HERC1: variants seen among roughly 807,000 people sequenced by gnomAD.
HERC1 encodes probable E3 ubiquitin-protein ligase HERC1.
A neutral mutation model predicts 554.3 loss-of-function variants in HERC1; 160 were observed. The ratio of observed to expected loss-of-function variants is 0.29; its 90% CI spans 0.25 to 0.33. The LOEUF (loss-of-function observed/expected upper bound fraction) is 0.33. Ranked by LOEUF, HERC1 falls within the 10% of genes least tolerant of loss-of-function variation. HERC1 has a pLI of 1.00. For missense variants in HERC1, 4,919 were observed against 5,918.5 expected, an observed-to-expected ratio of 0.83 and a Z score of 5.54; for synonymous variants, 2,175 against 2,131.7, an observed-to-expected ratio of 1.02 and a Z score of -0.56.
chr15:63,767,772 C>A (rs1221264164), intron 2 of HERC1, among the ~76,000 whole-genome samples: 1 of 152,136 alleles, frequency 6.6e-6, no homozygotes, highest in Non-Finnish European at 1.5e-5. Context: ...GAGAGTTCTC[C>A]GAAGAGCTGA....
Position 63,747,438 on chromosome 15 carries a change from C to T in HERC1, c.2354+286G>A, listed in dbSNP as rs147621533. On this transcript the variant is annotated intron_variant, in intron 11 of 77. Coordinates refer to ENST00000443617, the MANE Select transcript of HERC1 (RefSeq NM_003922.4). The stretch of plus-strand genomic sequence containing the variant: ...TCATGCCACTGCACTCTAGCCTGGG[C>T]GACAGAGCAAGACACCATCTTAAAA... 1.6e-3 allele frequency among the ~76,000 whole-genome samples: 240 copies of T among 151,124 alleles called. No homozygotes were observed. In the East Asian group the frequency reaches 0.033, roughly 21 times the overall value.
At chr15:63,826,396 T>C (rs1415313954) in intron 1 of HERC1, among the ~76,000 whole-genome samples, 1 of 152,150 alleles carries the variant, frequency 6.6e-6, no homozygotes, top group African/African-American at 2.4e-5. Flanking sequence ...ATAACTACCA[T>C]ACCATGGGTA....
intron 25 of HERC1, among the ~76,000 whole-genome samples, chr15:63,703,574 T>C (rs1047703819): frequency 3.3e-5 from 5 of 151,954 alleles, no homozygotes; most frequent in African/African-American, 9.7e-5. Context: ...CCTCAAAATA[T>C]TGGAAGGGGT....
At chr15:63,810,733 C>CA (rs2145258249) in intron 1 of HERC1, among the ~76,000 whole-genome samples, 1 of 152,098 alleles carries the variant, frequency 6.6e-6, no homozygotes, top group South Asian at 2.1e-4. Flanking sequence ...AAAATACCAC[C>CA]ACCTAATTGT....
intron 2 of HERC1, among the ~76,000 whole-genome samples, chr15:63,766,372 G>C (rs187184081): frequency 1.3e-5 from 2 of 152,166 alleles, no homozygotes; most frequent in East Asian, 1.9e-4. Flanking sequence ...CAGATCACTT[G>C]AGGTCAGGAG....
chr15:63,657,326 C>CTCT (rs2070101166), intron 48 of HERC1, among the ~76,000 whole-genome samples: 1 of 148,434 alleles, frequency 6.7e-6, no homozygotes, highest in African/African-American at 2.5e-5. Flanking sequence ...AAACTCCTGG[C>CTCT]TCAAGGGTTC....
intron 1 of HERC1, among the ~76,000 whole-genome samples, chr15:63,790,771 G>A (rs1377850444): frequency 6.7e-6 from 1 of 150,362 alleles, no homozygotes; most frequent in Non-Finnish European, 1.5e-5. Context: ...AAACACAGTA[G>A]GGTTTTCTTT....
At chr15:63,691,372 G>A (rs981837649) in intron 31 of HERC1, among the ~76,000 whole-genome samples, 9 of 151,878 alleles carry the variant, frequency 5.9e-5, no homozygotes, top group Admixed American at 2.6e-4. Flanking sequence ...AGGCTGAGAC[G>A]GGAGGATCAC....
In HERC1 at chr15:63,725,455, C is replaced by G. The variant is rs1280923575; in HGVS notation, c.3405G>C (p.Trp1135Cys). The G allele has an allele frequency of 5.0e-6, 8 of 1,613,738 alleles. No homozygotes were observed. Among genetic ancestry groups the G allele is most frequent in the Non-Finnish European group, 5.9e-6 (7 of 1,179,866 alleles). Reference sequence around the variant, plus strand: ...TTCTTTCTAGATCCACAAGCCATACCCAGGACTGAGCTGGCTGAGGTAATG... The same window carrying G: ...TTCTTTCTAGATCCACAAGCCATACGCAGGACTGAGCTGGCTGAGGTAATG... ...GLPLPQPAQS[W>C]VWLVDLERTI... The change falls in exon 18 of 78, where the codon TGG becomes TGC. Residue 1135 changes from tryptophan to cysteine, a missense_variant. Transcript: ENST00000443617.
chr15:63,643,284 T>C (rs906498038), intron 58 of HERC1, 120 bp downstream of exon 58: 7 of 925,700 alleles, frequency 7.6e-6, no homozygotes, highest in African/African-American at 1.7e-5. Flanking sequence ...TGAAAGAAGT[T>C]TCCTCAGTAT....
In HERC1 at chr15:63,690,601, A is replaced by G. The variant is rs190692083; in HGVS notation, c.5877T>C (p.His1959=). 45 of 1,613,414 alleles carry G rather than the reference A, an allele frequency of 2.8e-5. No homozygotes were observed. In the East Asian group the frequency reaches 8.2e-4, roughly 30 times the overall value. Residue 1959 remains histidine, a synonymous_variant, in exon 32 of 78, where the codon CAT becomes CAC. Coordinates refer to ENST00000443617, the MANE Select transcript of HERC1 (RefSeq NM_003922.4). ...AAGCTGGCAGCACAGCTTCAAGGAC[A>G]TGAAGTGCAAGGAGCCTTGTTCTTA... The part of the protein sequence containing the change: ...GNLRTRLLAL[H]VLEAVLPACE...
chr15:63,703,800 T>C lies in HERC1; in HGVS notation c.4636+2980A>G, dbSNP rs552499859. On this transcript the variant is annotated intron_variant, in intron 25 of 77. Coordinates refer to ENST00000443617, the MANE Select transcript of HERC1 (RefSeq NM_003922.4). The stretch of plus-strand genomic sequence containing the variant: ...TGTGCCTGCAGTCCCTCCCAGCTAC[T>C]TGAGAGGCTCAGATGGGAGGGTCAC... Among the ~76,000 whole-genome samples the C allele has an allele frequency of 2.2e-3, 338 of 152,002 alleles. 1 individual carries two copies. The highest frequency in any genetic ancestry group is 7.7e-3 in the African/African-American group (319 of 41,482).
chr15:63,776,725 G>T (rs549019204), intron 1 of HERC1, among the ~76,000 whole-genome samples: 1 of 152,062 alleles, frequency 6.6e-6, no homozygotes, highest in African/African-American at 2.4e-5. Context: ...TAACATTCAG[G>T]GACGCCAAGG....
At position 63,626,116 on chromosome 15, in the gene HERC1, CTG is replaced by C; in HGVS notation, c.13142_13143del (p.Thr4381SerfsTer28). The C allele has an allele frequency of 6.2e-7, 1 of 1,613,670 alleles. No individual in the cohort carries two copies. On this transcript the variant is annotated frameshift_variant, in exon 71 of 78. Coordinates refer to ENST00000443617, the MANE Select transcript of HERC1 (RefSeq NM_003922.4). LOFTEE classifies it high-confidence loss of function. ...SVPLQLGLPD[T>X]VPPQYGALRE... Reference sequence around the variant, plus strand: ...CTCAGCGCCCCATACTGGGGGGGCACTGTGTCAGGCAGGCCCAGCTGCAGAGG... The same window carrying C: ...CTCAGCGCCCCATACTGGGGGGGCACTGTCAGGCAGGCCCAGCTGCAGAGG...
At chr15:63,609,606 A>G (rs2152694713) in intron 77 of HERC1, among the ~76,000 whole-genome samples, 1 of 152,308 alleles carries the variant, frequency 6.6e-6, no homozygotes, top group African/African-American at 2.4e-5. Flanking sequence ...CCTGTCCTTC[A>G]TACCCATCCA....
chr15:63,694,119 G>A lies in HERC1; in HGVS notation c.5519C>T (p.Ser1840Phe), dbSNP rs1385359094. The A allele has an allele frequency of 1.9e-6, 3 of 1,609,334 alleles. No homozygotes were observed. Among genetic ancestry groups the A allele is most frequent in the Non-Finnish European group, 2.5e-6 (3 of 1,177,792 alleles). The part of the protein sequence containing the change: ...ADKLSPKVVQ[S>F]LLDLLCSQLK... ...CTGACTACAGAGTAGATCCAACAAG[G>A]ATTGAACTACTTTGGGACTCAGTTT... The change falls in exon 30 of 78, where the codon TCC becomes TTC. Residue 1840 changes from serine (S) to phenylalanine (F), a missense_variant. Ser to Phe is a radical substitution (Grantham distance 155, BLOSUM62 -2). Around this residue, in one of 11 missense-constraint regions of HERC1, gnomAD observed 1,121 missense variants for 1,244.0 expected, o/e 0.90. Coordinates refer to ENST00000443617, the MANE Select transcript of HERC1 (RefSeq NM_003922.4). This position sits in a 1 kb window ranked among gnomAD's most constrained non-coding sequence, Gnocchi z 4.3.
intron 1 of HERC1, among the ~76,000 whole-genome samples, chr15:63,803,443 A>C (rs1011871172): frequency 6.6e-6 from 1 of 151,536 alleles, no homozygotes; most frequent in Non-Finnish European, 1.5e-5. Flanking sequence ...TTTTTTTGAC[A>C]CAGGGTCTGG....
chr15:63,824,838 A>G (rs2077830440), intron 1 of HERC1, among the ~76,000 whole-genome samples: 1 of 150,906 alleles, frequency 6.6e-6, no homozygotes, highest in African/African-American at 2.4e-5. Context: ...CACAAGTCAG[A>G]CGTAGGAAAA....
rs1567021630 is a variant in HERC1 at position 63,694,152 on chromosome 15, T to C, written c.5486A>G (p.Tyr1829Cys). Residue 1829 changes from tyrosine to cysteine, a missense_variant, in exon 30 of 78, where the codon TAT (tyrosine) becomes TGT (cysteine). Tyr to Cys is a radical substitution (Grantham distance 194). Around this residue, in one of 11 missense-constraint regions of HERC1, gnomAD observed 1,121 missense variants for 1,244.0 expected, o/e 0.90. Transcript: ENST00000443617. This position sits in a 1 kb window ranked among gnomAD's most constrained non-coding sequence, Gnocchi z 4.3. ...LQILAITTGT[Y>C]ADKLSPKVVQ... Reference sequence around the variant, plus strand: ...TACTTTGGGACTCAGTTTATCAGCATAGGTCCTATGTGAAATAAAAGAAAA... The same window carrying C: ...TACTTTGGGACTCAGTTTATCAGCACAGGTCCTATGTGAAATAAAAGAAAA... 4 of 1,601,536 alleles carry C rather than the reference T, an allele frequency of 2.5e-6. No homozygotes were observed. Among genetic ancestry groups the C allele is most frequent in the Admixed American group, 1.7e-5 (1 of 57,822 alleles).
Sources: allele counts gnomAD v4.1 joint callset (sites outside exome capture counted in the v4.1 genomes callset), GRCh38; gene constraint gnomAD v4.1.1; regional missense constraint gnomAD v4.1.1; non-coding constraint Gnocchi (gnomAD v3.1); transcripts MANE v1.5; gene names NCBI Gene and HGNC (gene_info 2026-07-23, HGNC 2026-07-21).